TMEM132C: variants seen among roughly 807,000 people sequenced by gnomAD.
The protein encoded by TMEM132C is transmembrane protein 132C.
In TMEM132C, 29 loss-of-function variants were observed where a neutral mutation model predicts 61.4. The observed-to-expected ratio is 0.47, with a 90% CI of 0.35 to 0.64. The LOEUF is 0.64. Among genes scored for constraint, TMEM132C ranks in the 30% least tolerant of loss-of-function variants. The pLI is 0.00. For missense variants in TMEM132C, 1,408 were observed against 1,476.9 expected (o/e 0.95, Z 0.76); for synonymous variants, 656 against 633.1 (o/e 1.04, Z -0.54).
chr12:128,345,477 G>A (rs549879537), intron 1 of TMEM132C, among the ~76,000 whole-genome samples: 26 of 152,216 alleles, frequency 1.7e-4, no homozygotes, highest in Admixed American at 1.2e-3. Context: ...TTGAGGAATC[G>A]CCACACTGTC....
intron 4 of TMEM132C, among the ~76,000 whole-genome samples, chr12:128,649,207 A>G (rs1459712704): frequency 6.6e-6 from 1 of 152,206 alleles, no homozygotes; most frequent in Non-Finnish European, 1.5e-5. Flanking sequence ...GCCAAAGTGT[A>G]TTAATCACAC....
At chr12:128,383,680 G>A (rs547540910) in intron 1 of TMEM132C, among the ~76,000 whole-genome samples, 9 of 152,216 alleles carry the variant, frequency 5.9e-5, no homozygotes, top group African/African-American at 1.4e-4. Context: ...GGGGACCATC[G>A]GTGTTTCTGG....
chr12:128,623,421 T>TTATATATATA (rs199503150), intron 4 of TMEM132C, among the ~76,000 whole-genome samples: 9 of 148,964 alleles, frequency 6.0e-5, no homozygotes, highest in African/African-American at 2.0e-4. Flanking sequence ...AAGTATAATT[T>TTATATATATA]TATATATATA....
intron 2 of TMEM132C, among the ~76,000 whole-genome samples, chr12:128,507,633 T>C (rs2065676620): frequency 6.6e-6 from 1 of 152,160 alleles, no homozygotes; most frequent in Non-Finnish European, 1.5e-5. Flanking sequence ...TTTTCAGGGC[T>C]GCCAACTCAG....
intron 1 of TMEM132C, among the ~76,000 whole-genome samples, chr12:128,291,146 C>T (rs1055632730): frequency 6.6e-6 from 1 of 152,192 alleles, no homozygotes; most frequent in African/African-American, 2.4e-5. Flanking sequence ...GAGGGACATT[C>T]TTATGGTCTG....
At chr12:128,485,223 C>G (rs1349380527) in intron 2 of TMEM132C, among the ~76,000 whole-genome samples, 1 of 152,202 alleles carries the variant, frequency 6.6e-6, no homozygotes, top group East Asian at 1.9e-4. Flanking sequence ...GTTGCCCAGG[C>G]TGGAGTGCAG....
At chr12:128,665,003 A>C (rs1954441868) in intron 4 of TMEM132C, among the ~76,000 whole-genome samples, 1 of 150,050 alleles carries the variant, frequency 6.7e-6, no homozygotes, top group African/African-American at 2.5e-5. Context: ...CCATATGCAC[A>C]CAGGCACTCA....
chr12:128,681,033 C>T (rs992529645), intron 5 of TMEM132C, among the ~76,000 whole-genome samples: 1 of 152,136 alleles, frequency 6.6e-6, no homozygotes, highest in Non-Finnish European at 1.5e-5. Context: ...CTCTGGAAAT[C>T]AGTTCTTCTA....
chr12:128,463,570 C>T (rs996488737), intron 2 of TMEM132C, among the ~76,000 whole-genome samples: 7 of 152,086 alleles, frequency 4.6e-5, no homozygotes, highest in Admixed American at 1.3e-4. Context: ...CCACCCACCT[C>T]GGCCTCCCAA....
At chr12:128,375,023 C>T (rs1874150174) in intron 1 of TMEM132C, among the ~76,000 whole-genome samples, 1 of 71,480 alleles carries the variant, frequency 1.4e-5, no homozygotes, top group African/African-American at 5.7e-5. Context: ...TGGCCAGATT[C>T]TTCTTTGATG....
intron 2 of TMEM132C, among the ~76,000 whole-genome samples, chr12:128,538,947 G>A (rs1459752608): frequency 6.6e-6 from 1 of 151,974 alleles, no homozygotes; most frequent in Non-Finnish European, 1.5e-5. Flanking sequence ...TGCATAATGA[G>A]TTCTTATCTT....
chr12:128,657,198 C>G (rs1379928932), intron 4 of TMEM132C, among the ~76,000 whole-genome samples: 1 of 152,192 alleles, frequency 6.6e-6, no homozygotes, highest in Non-Finnish European at 1.5e-5. Context: ...CCTCACCTCT[C>G]TGGAATTTGG....
intron 3 of TMEM132C, among the ~76,000 whole-genome samples, chr12:128,556,146 T>G (rs1273201408): frequency 6.6e-6 from 1 of 152,242 alleles, no homozygotes; most frequent in African/African-American, 2.4e-5. Context: ...AGGAAGATTT[T>G]ACTGGAGACC....
At chr12:128,466,057 T>A (rs1318053670) in intron 2 of TMEM132C, among the ~76,000 whole-genome samples, 4 of 152,124 alleles carry the variant, frequency 2.6e-5, no homozygotes, top group Non-Finnish European at 4.4e-5. Flanking sequence ...AAAACCCATA[T>A]AGAACCATAT....
At chr12:128,491,817 A>T (rs1401631141) in intron 2 of TMEM132C, among the ~76,000 whole-genome samples, 1 of 148,580 alleles carries the variant, frequency 6.7e-6, no homozygotes, top group Admixed American at 6.7e-5. Context: ...CCTCTTATGG[A>T]CCACTTGCCA....
chr12:128,351,272 A>T (rs1873329300), intron 1 of TMEM132C, among the ~76,000 whole-genome samples: 1 of 151,862 alleles, frequency 6.6e-6, no homozygotes, highest in Non-Finnish European at 1.5e-5. Context: ...AGGAGACTGG[A>T]CTCCTAGGGG....
In TMEM132C at chr12:128,314,459, G is replaced by A. The variant is rs533495343; in HGVS notation, c.85+46972G>A. Among the ~76,000 whole-genome samples, 93 of 152,204 alleles carry A rather than the reference G, an allele frequency of 6.1e-4. 1 individual carries two copies. The highest frequency in any genetic ancestry group is 2.0e-3 in the African/African-American group (84 of 41,524). On this transcript the variant is annotated intron_variant, in intron 1 of 8. Coordinates refer to ENST00000435159, the MANE Select transcript of TMEM132C (RefSeq NM_001136103.3). ...ATTAAGAGCCTACCATCTGGCATCCGGATAGTAGGAATTCAGTGGTATCAT... is the reference window on the plus strand; with the variant it reads ...ATTAAGAGCCTACCATCTGGCATCCAGATAGTAGGAATTCAGTGGTATCAT...
intron 1 of TMEM132C, among the ~76,000 whole-genome samples, chr12:128,396,798 C>T (rs36005577): frequency 0.029 from 4,396 of 152,202 alleles, 314 homozygotes; most frequent in East Asian, 0.22. Context: ...TGGGCTGGCC[C>T]GGAGCTGCCC....
intron 2 of TMEM132C, among the ~76,000 whole-genome samples, chr12:128,418,595 G>A (rs966395172): frequency 1.3e-5 from 2 of 152,228 alleles, no homozygotes; most frequent in Admixed American, 6.5e-5. Context: ...TGCAAAAATA[G>A]TACAGTGATT....
Sources: gnomAD v4.1 joint callset for allele counts (sites outside exome capture counted in the v4.1 genomes callset) on GRCh38, gnomAD v4.1.1 for gene constraint, MANE v1.5 for transcripts, NCBI Gene and HGNC (gene_info 2026-07-23, HGNC 2026-07-21) for gene names.